The following CAPZB variants were observed in gnomAD, a reference collection of about 807,000 sequenced individuals.
CAPZB encodes the protein F-actin-capping protein subunit beta.
CAPZB carries 2 observed loss-of-function variants against 38.1 expected under a neutral mutation model. The ratio of observed to expected loss-of-function variants is 0.05; its 90% CI spans 0.02 to 0.17. The LOEUF (loss-of-function observed/expected upper bound fraction) is 0.17. CAPZB is among the 10% of genes least tolerant of loss of function. CAPZB has a pLI of 1.00. For synonymous variants in CAPZB, 107 were observed against 127.4 expected (o/e 0.84, Z 1.08); for missense variants, 161 against 334.2 (o/e 0.48, Z 4.04).
intron 1 of CAPZB, among the ~76,000 whole-genome samples, chr1:19,467,040 T>A (rs534074218): frequency 6.6e-6 from 1 of 151,702 alleles, no homozygotes; most frequent in Non-Finnish European, 1.5e-5. Flanking sequence ...GGACTCCAGA[T>A]GCACCATCAC....
At chr1:19,450,144 CAAAAAAAAAAAA>C (rs71008167) in intron 1 of CAPZB, among the ~76,000 whole-genome samples, 2 of 35,450 alleles carry the variant, frequency 5.6e-5, no homozygotes, top group African/African-American at 8.1e-5. Flanking sequence ...ACCCTGTCTC[CAAAAAAAAAAAA>C]AAAAAAAAAA....
At chr1:19,388,484 T>G (rs1429936967) in intron 2 of CAPZB, among the ~76,000 whole-genome samples, 1 of 152,190 alleles carries the variant, frequency 6.6e-6, no homozygotes, top group Non-Finnish European at 1.5e-5. Flanking sequence ...AATTGGCAGG[T>G]AATAGGAATC....
intron 3 of CAPZB, among the ~76,000 whole-genome samples, chr1:19,381,681 C>A (rs1278671066): frequency 1.5e-5 from 2 of 130,072 alleles, no homozygotes; most frequent in Non-Finnish European, 3.2e-5. Context: ...CCATGCCCAG[C>A]TAATTTTTTT....
intron 1 of CAPZB, among the ~76,000 whole-genome samples, chr1:19,473,864 TAAAA>T (rs557967708): frequency 4.1e-4 from 63 of 151,900 alleles, no homozygotes; most frequent in African/African-American, 1.5e-3. Flanking sequence ...AATTCTGTCT[TAAAA>T]AAAAGAGAGA....
intron 4 of CAPZB, among the ~76,000 whole-genome samples, chr1:19,368,095 T>A (rs2094100067): frequency 6.6e-6 from 1 of 152,184 alleles, no homozygotes; most frequent in Admixed American, 6.5e-5. Context: ...GCATATCTTT[T>A]TTTTACAGTT....
chr1:19,368,696 C>G (rs2094104406), intron 4 of CAPZB, among the ~76,000 whole-genome samples: 1 of 145,324 alleles, frequency 6.9e-6, no homozygotes, highest in South Asian at 2.2e-4. Flanking sequence ...GACATGGGGT[C>G]TCTCTCTGTC....
At chr1:19,344,308 G>A in intron 8 of CAPZB, 50 bp downstream of exon 8, 1 of 1,484,642 alleles carries the variant, frequency 6.7e-7, no homozygotes, top group Non-Finnish European at 9.4e-7. Context: ...CAGAGCCAGG[G>A]TTCAAATCCC....
At chr1:19,452,313 CG>C (rs1332343968) in intron 1 of CAPZB, among the ~76,000 whole-genome samples, 3 of 152,192 alleles carry the variant, frequency 2.0e-5, no homozygotes, top group Non-Finnish European at 4.4e-5. Flanking sequence ...GCCATGACCC[CG>C]TAGTTGTTGA....
chr1:19,427,849 G>T (rs2094428701), intron 1 of CAPZB, among the ~76,000 whole-genome samples: 1 of 152,202 alleles, frequency 6.6e-6, no homozygotes, highest in South Asian at 2.1e-4. Context: ...ACCTTTTGGG[G>T]TCTGCTGTCT....
intron 8 of CAPZB, among the ~76,000 whole-genome samples, chr1:19,340,755 G>A (rs930269121): frequency 3.3e-5 from 5 of 152,130 alleles, no homozygotes; most frequent in Non-Finnish European, 5.9e-5. Context: ...GAGGCTCAGA[G>A]GAATGCCCCC....
chr1:19,419,932 C>G (rs1352836722), intron 1 of CAPZB, 182 bp from the exon 2 acceptor site: 2 of 543,292 alleles, frequency 3.7e-6, no homozygotes, highest in Non-Finnish European at 6.5e-6. Context: ...GCTGTTTGCT[C>G]CCCTTTGACA....
chr1:19,464,896 GA>G (rs1168098644), intron 1 of CAPZB, among the ~76,000 whole-genome samples: 1 of 152,140 alleles, frequency 6.6e-6, no homozygotes, highest in Non-Finnish European at 1.5e-5. Context: ...GGCTGTCTAG[GA>G]GGGGGAAAAG....
chr1:19,389,249 A>G (rs1342194793), intron 2 of CAPZB, among the ~76,000 whole-genome samples: 1 of 151,998 alleles, frequency 6.6e-6, no homozygotes, highest in African/African-American at 2.4e-5. Context: ...GAAACTCCTC[A>G]AACAACCACA....
intron 4 of CAPZB, among the ~76,000 whole-genome samples, chr1:19,359,478 G>A (rs1038164726): frequency 6.6e-6 from 1 of 152,180 alleles, no homozygotes; most frequent in Non-Finnish European, 1.5e-5. Context: ...CCTCAGGCAG[G>A]CTGCGGCCAG....
At chr1:19,391,458 G>A (rs538587217) in intron 2 of CAPZB, among the ~76,000 whole-genome samples, 2 of 145,626 alleles carry the variant, frequency 1.4e-5, no homozygotes, top group African/African-American at 4.8e-5. Flanking sequence ...CTGCGTACTT[G>A]GGTGCACTCA....
chr1:19,421,769 T>A (rs1409067266), intron 1 of CAPZB, among the ~76,000 whole-genome samples: 1 of 149,954 alleles, frequency 6.7e-6, no homozygotes, highest in East Asian at 1.9e-4. Context: ...GAAGTCTCTA[T>A]TTATTTATCC....
rs1239577716 is a variant in CAPZB at position 19,356,877 on chromosome 1, T to C, written c.472-126A>G. ...CAATATTACCTTTTTTTTTTTTAAA[T>C]TGGAGACAAAGTCTCGCTCTGTCAC... On this transcript the variant is annotated intron_variant, in intron 5 of 8. Transcript: ENST00000264202. This position sits in a 1 kb window ranked among gnomAD's most constrained non-coding sequence, Gnocchi z 4.3. 7.4e-6 allele frequency: 5 copies of C among 673,674 alleles called. No homozygotes were observed. The highest frequency in any genetic ancestry group is 5.2e-5 in the South Asian group (3 of 57,346). 41.7% of individuals were successfully genotyped at this position (673,674 alleles called of 1,614,324 possible). A position where few individuals can be genotyped will look rare whatever the true frequency, so the allele number is the denominator to read the frequency against.
chr1:19,458,683 T>C (rs1398766113), intron 1 of CAPZB, among the ~76,000 whole-genome samples: 1 of 152,234 alleles, frequency 6.6e-6, no homozygotes, highest in Non-Finnish European at 1.5e-5. Flanking sequence ...ACTTTAGATG[T>C]TCACAGTATC....
intron 1 of CAPZB, among the ~76,000 whole-genome samples, chr1:19,451,291 G>A (rs553703961): frequency 1.3e-5 from 2 of 152,196 alleles, no homozygotes; most frequent in East Asian, 3.9e-4. Flanking sequence ...TGGAGTCATG[G>A]GACAAAAAGG....
Sources: gnomAD v4.1 joint callset for allele counts (sites outside exome capture counted in the v4.1 genomes callset) on GRCh38, gnomAD v4.1.1 for gene constraint, Gnocchi (gnomAD v3.1) non-coding constraint, MANE v1.5 for transcripts, NCBI Gene and HGNC (gene_info 2026-07-23, HGNC 2026-07-21) for gene names.